Variants in TP73 observed in about 807,000 individuals in gnomAD.
TP73 encodes tumor protein p73.
TP73 carries 25 observed loss-of-function variants against 62.5 expected under a neutral mutation model. The observed-to-expected ratio is 0.40, with a 90% CI of 0.29 to 0.56. The LOEUF is 0.56. TP73 is among the 20% of genes least tolerant of loss of function. The pLI is 0.46. For missense variants in TP73, 754 were observed against 913.3 expected (o/e 0.83, Z 2.25); for synonymous variants, 423 against 377.5 (o/e 1.12, Z -1.40).
At chr1:3,715,841 C>A (rs1640550280) in intron 4 of TP73, among the ~76,000 whole-genome samples, 1 of 152,200 alleles carries the variant, frequency 6.6e-6, no homozygotes, top group African/African-American at 2.4e-5. Context: ...CTGGGCTCAG[C>A]ACATACCTGC....
intron 4 of TP73, among the ~76,000 whole-genome samples, chr1:3,717,946 C>G (rs1640741847): frequency 6.6e-6 from 1 of 152,212 alleles, no homozygotes; most frequent in African/African-American, 2.4e-5. Flanking sequence ...CTGGGGACAC[C>G]TGTGGGGAGG....
chr1:3,676,123 G>A (rs1269680777), intron 1 of TP73, among the ~76,000 whole-genome samples: 1 of 150,876 alleles, frequency 6.6e-6, no homozygotes, highest in Non-Finnish European at 1.5e-5. Context: ...AGACGGGGAG[G>A]GACAGAGGAT....
intron 3 of TP73, among the ~76,000 whole-genome samples, chr1:3,690,137 A>C (rs148482172): frequency 4.1e-3 from 622 of 152,030 alleles, no homozygotes; most frequent in Non-Finnish European, 7.3e-3. Context: ...CTCCAAACGC[A>C]CGGCTCTGGG....
chr1:3,683,000 G>A, intron 2 of TP73, 60 bp from the exon 3 acceptor site: 1 of 1,553,612 alleles, frequency 6.4e-7, no homozygotes, highest in South Asian at 1.2e-5. Flanking sequence ...GGGCCTGGGA[G>A]GTATTGGGGT....
chr1:3,677,971 T>C (rs1308188930), intron 1 of TP73, among the ~76,000 whole-genome samples: 1 of 152,180 alleles, frequency 6.6e-6, no homozygotes, highest in Non-Finnish European at 1.5e-5. Context: ...TCCTAAAGTG[T>C]TGGGATTACA....
At chr1:3,716,656 A>G (rs1195597697) in intron 4 of TP73, among the ~76,000 whole-genome samples, 1 of 152,222 alleles carries the variant, frequency 6.6e-6, no homozygotes, top group African/African-American at 2.4e-5. Flanking sequence ...TGAAGGCCAC[A>G]GCCTCCCACG....
chr1:3,689,187 C>T, intron 3 of TP73, among the ~76,000 whole-genome samples: 1 of 152,164 alleles, frequency 6.6e-6, no homozygotes, highest in Non-Finnish European at 1.5e-5. Context: ...AGTGCTCGCC[C>T]TGGGCTCTCC....
At position 3,729,994 on chromosome 1, in the gene TP73, G is replaced by C. The variant is rs1189956193; in HGVS notation, c.1197-6G>C. 1.9e-6 allele frequency: 3 copies of C among 1,584,194 alleles called. No homozygotes were observed. The East Asian group carries it at 6.8e-5, about 36-fold the overall frequency. ...CCCACCCATGCGAGCCGTTGCTTCT[G>C]AGCAGGAGTCACCTACAGCCCCCGT... is the stretch of plus-strand genomic sequence containing the variant. On this transcript the variant is annotated splice_region_variant and splice_polypyrimidine_tract_variant and intron_variant, in intron 10 of 13. Coordinates refer to ENST00000378295, the MANE Select transcript of TP73 (RefSeq NM_005427.4).
chr1:3,720,892 C>T (rs1024241294), intron 4 of TP73, among the ~76,000 whole-genome samples: 3 of 152,240 alleles, frequency 2.0e-5, no homozygotes, highest in African/African-American at 7.2e-5. Flanking sequence ...CCCAACTGTT[C>T]CACGGTGGAG....
rs115229594 is a variant in TP73, at chr1:3,704,349, G to A, written c.187-3200G>A. On this transcript the variant is annotated intron_variant, in intron 3 of 13. Coordinates refer to ENST00000378295, the MANE Select transcript of TP73 (RefSeq NM_005427.4). ...TCCGTGGTCCTGAGCCCTTGGAATC[G>A]GGGTGCGCTCACACACTGGGCTCAG... Among the ~76,000 whole-genome samples the A allele has an allele frequency of 8.1e-3, 1,236 of 152,206 alleles. 22 individuals are homozygous for A. Among genetic ancestry groups the A allele is most frequent in the African/African-American group, 0.029 (1,186 of 41,524 alleles).
chr1:3,674,899 C>G (rs985911605), intron 1 of TP73, among the ~76,000 whole-genome samples: 1 of 152,240 alleles, frequency 6.6e-6, no homozygotes, highest in South Asian at 2.1e-4. Context: ...GCTGACCGCC[C>G]GACCCCTCTG....
In TP73 at chr1:3,656,119, T is replaced by C. The variant is rs1180098727; in HGVS notation, c.-34+3478T>C. The stretch of plus-strand genomic sequence containing the variant: ...TGAACCCGGAAGGCGGAGCTTGCAG[T>C]GAGCTGAGATCACGCACTACACTCC... On this transcript the variant is annotated intron_variant, in intron 1 of 13. Transcript: ENST00000378295. 4.7e-5 allele frequency among the ~76,000 whole-genome samples: 7 copies of C among 148,896 alleles called. 1 individual carries two copies. In the South Asian group the frequency reaches 6.4e-4, roughly 14 times the overall value.
At chr1:3,710,267 C>T (rs1194502640) in intron 4 of TP73, among the ~76,000 whole-genome samples, 4 of 151,984 alleles carry the variant, frequency 2.6e-5, no homozygotes, top group Admixed American at 2.0e-4. Context: ...GCTCCTCCTC[C>T]GAAGCCCTGT....
chr1:3,727,982 TTTGCCCGTCCCTGTGGG>T, intron 8 of TP73, 130 bp from the exon 9 acceptor site: 2 of 1,148,332 alleles, frequency 1.7e-6, no homozygotes, highest in Non-Finnish European at 2.4e-6. Context: ...GCACCGCAGG[TTTGCCCGTCCCTGTGGG>T]TTGCTCACCA....
chr1:3,719,187 G>T (rs1640863334), intron 4 of TP73, among the ~76,000 whole-genome samples: 1 of 152,200 alleles, frequency 6.6e-6, no homozygotes, highest in South Asian at 2.1e-4. Flanking sequence ...GGAGCGGCTA[G>T]GATGGATGGC....
At chr1:3,675,654 G>T (rs1391412933) in intron 1 of TP73, among the ~76,000 whole-genome samples, 3 of 152,170 alleles carry the variant, frequency 2.0e-5, no homozygotes, top group Non-Finnish European at 4.4e-5. Flanking sequence ...CCGAGGGGTG[G>T]GTAGGTAACA....
rs59432695 is a variant in TP73, at chr1:3,666,124, CAAAA to C, written c.-34+13507_-34+13510del. Reference sequence around the variant, plus strand: ...GGGCAACAAGAGCAAAACTCTGTCTCAAAAAAAAAAAAAAAAAAAAAAAAAAAGA... The same window carrying C: ...GGGCAACAAGAGCAAAACTCTGTCTCAAAAAAAAAAAAAAAAAAAAAAAGA... On this transcript the variant is annotated intron_variant, in intron 1 of 13. Transcript: ENST00000378295. This position sits in a 1 kb window ranked among gnomAD's most constrained non-coding sequence, Gnocchi z 6.4. Among the ~76,000 whole-genome samples the C allele has an allele frequency of 3.1e-3, 128 of 41,066 alleles. 1 individual carries two copies. In the East Asian group the frequency reaches 0.083, roughly 27 times the overall value. The allele number at this position is 41,066 out of a possible 152,430, so 26.9% of individuals were successfully genotyped here.
intron 3 of TP73, among the ~76,000 whole-genome samples, chr1:3,683,869 A>T (rs3765710): frequency 1.3e-5 from 2 of 152,132 alleles, no homozygotes; most frequent in South Asian, 2.1e-4. Flanking sequence ...GGACCCCCAA[A>T]GGAAGATGGA....
At chr1:3,659,769 C>G (rs780149198) in intron 1 of TP73, among the ~76,000 whole-genome samples, 1 of 152,100 alleles carries the variant, frequency 6.6e-6, no homozygotes, top group African/African-American at 2.4e-5. Context: ...GCAAACTCTG[C>G]CTCCCGGGTT....
Sources: gnomAD v4.1 joint callset for allele counts (sites outside exome capture counted in the v4.1 genomes callset) on GRCh38, gnomAD v4.1.1 for gene constraint, Gnocchi (gnomAD v3.1) non-coding constraint, MANE v1.5 for transcripts, NCBI Gene and HGNC (gene_info 2026-07-23, HGNC 2026-07-21) for gene names.